ORC2: variants seen among roughly 807,000 people sequenced by gnomAD.
ORC2 encodes the protein origin recognition complex subunit 2.
A neutral mutation model predicts 77.7 loss-of-function variants in ORC2; 37 were observed. The observed-to-expected ratio is 0.48, with a 90% CI of 0.37 to 0.63. The LOEUF (loss-of-function observed/expected upper bound fraction) is 0.63. Among genes scored for constraint, ORC2 ranks in the 20% least tolerant of loss-of-function variants. ORC2 has a pLI of 0.00. For missense variants in ORC2, 557 were observed against 661.9 expected, an observed-to-expected ratio of 0.84 and a Z score of 1.74; for synonymous variants, 201 against 229.5, an observed-to-expected ratio of 0.88 and a Z score of 1.12.
chr2:200,935,960 CAA>C (rs2041039012), intron 8 of ORC2, 68 bp from the exon 9 acceptor site: 6 of 1,344,820 alleles, frequency 4.5e-6, no homozygotes, highest in Non-Finnish European at 4.1e-6. Context: ...TGGGGTAAAG[CAA>C]AGAGTGGGGG....
intron 5 of ORC2, chr2:200,943,070 G>A (rs771534223): frequency 5.1e-6 from 1 of 194,440 alleles, no homozygotes; most frequent in Admixed American, 5.9e-5. Context: ...AACCACTTAT[G>A]TTCCTTTCAT....
chr2:200,925,451 C>A (rs760116614), intron 13 of ORC2, among the ~76,000 whole-genome samples: 16 of 152,074 alleles, frequency 1.1e-4, no homozygotes, highest in Admixed American at 2.0e-4. Context: ...TTAAAATAAT[C>A]TTTTTGGGCC....
At chr2:200,918,139 C>T (rs145167652) in intron 15 of ORC2, among the ~76,000 whole-genome samples, 27 of 152,226 alleles carry the variant, frequency 1.8e-4, no homozygotes, top group African/African-American at 3.6e-4. Flanking sequence ...TTGTCCTAAA[C>T]GAAAATATCT....
chr2:200,950,398 T>C (rs1008076652), intron 4 of ORC2, among the ~76,000 whole-genome samples: 9 of 152,302 alleles, frequency 5.9e-5, no homozygotes, highest in Admixed American at 2.0e-4. Context: ...AAATATCAAC[T>C]GCTACCTACA....
At chr2:200,959,026 C>CT (rs1282589926) in intron 2 of ORC2, among the ~76,000 whole-genome samples, 32 of 151,990 alleles carry the variant, frequency 2.1e-4, no homozygotes, top group African/African-American at 5.3e-4. Flanking sequence ...TCTTTTCTTT[C>CT]TTTTTTTATT....
intron 13 of ORC2, among the ~76,000 whole-genome samples, chr2:200,922,683 C>T (rs1195712913): frequency 2.6e-5 from 4 of 152,006 alleles, no homozygotes; most frequent in Non-Finnish European, 4.4e-5. Context: ...GAAATCTAGA[C>T]GTCATCATAT....
chr2:200,948,173 A>G (rs2041286499), intron 5 of ORC2, among the ~76,000 whole-genome samples: 1 of 151,744 alleles, frequency 6.6e-6, no homozygotes, highest in South Asian at 2.1e-4. Flanking sequence ...TCGGCCTCCC[A>G]AAGTGCTGGG....
chr2:200,940,638 C>T (rs1039835743), intron 7 of ORC2, among the ~76,000 whole-genome samples: 1 of 152,080 alleles, frequency 6.6e-6, no homozygotes, highest in East Asian at 1.9e-4. Flanking sequence ...CTTGCCTCTA[C>T]TAAAAATACA....
At chr2:200,940,249 G>T (rs13408964) in intron 7 of ORC2, among the ~76,000 whole-genome samples, 32,833 of 152,096 alleles carry the variant, frequency 0.22, 4,391 homozygotes, top group African/African-American at 0.37. Context: ...TAATTATCTT[G>T]CTGGAACATG....
At chr2:200,914,961 C>T (rs1177196744) in intron 15 of ORC2, among the ~76,000 whole-genome samples, 1 of 150,104 alleles carries the variant, frequency 6.7e-6, no homozygotes, top group African/African-American at 2.4e-5. Context: ...CTGCATATAC[C>T]ACTTTATACC....
At position 200,933,949 on chromosome 2, in the gene ORC2, T is replaced by G; in HGVS notation, c.734A>C (p.Glu245Ala). 6.2e-7 allele frequency: 1 copy of G among 1,607,086 alleles called. No homozygotes were observed. The highest frequency in any genetic ancestry group is 1.1e-5 in the South Asian group (1 of 90,572). The change falls in exon 10 of 18, where the codon GAA (glutamate) becomes GCA (alanine). Residue 245 changes from glutamate (E) to alanine (A), a missense_variant. Transcript: ENST00000234296. ...TAAAACTTTTGAACTGCTGTGAGCT[T>G]CAAAATATTCTTCTACTAAGTCACT... ...KTSDLVEEYFEAHSSSKVLTS... is the reference protein window; with the variant it reads ...KTSDLVEEYFAAHSSSKVLTS...
chr2:200,919,515 C>A (rs943385419), intron 15 of ORC2, among the ~76,000 whole-genome samples: 6 of 152,178 alleles, frequency 3.9e-5, no homozygotes, highest in Non-Finnish European at 5.9e-5. Context: ...CGTGCCACCA[C>A]ACCTGGCTAA....
rs750352667 is a variant in ORC2, at chr2:200,959,380, G to C, written c.-11+12C>G. The C allele has an allele frequency of 2.6e-5, 4 of 152,118 alleles. No individual in the cohort carries two copies. The highest frequency in any genetic ancestry group is 7.2e-5 in the African/African-American group (3 of 41,408). The allele number at this position is 152,118 out of a possible 1,614,324, so 9.4% of individuals were successfully genotyped here. The stretch of plus-strand genomic sequence containing the variant: ...CAACATGCTTAAATGACTTCTTTCA[G>C]TTTTCATTTACCTTTTAAGGTACTA... On this transcript the variant is annotated intron_variant, in intron 2 of 17. Coordinates refer to ENST00000234296, the MANE Select transcript of ORC2 (RefSeq NM_006190.5).
chr2:200,953,558 G>A (rs1044927660), intron 4 of ORC2, among the ~76,000 whole-genome samples: 2 of 152,030 alleles, frequency 1.3e-5, no homozygotes, highest in South Asian at 2.1e-4. Flanking sequence ...AATAGAATTA[G>A]CACATGATCC....
chr2:200,942,483 C>T (rs1205467686), intron 6 of ORC2, among the ~76,000 whole-genome samples: 2 of 152,182 alleles, frequency 1.3e-5, no homozygotes, highest in Non-Finnish European at 2.9e-5. Flanking sequence ...CTTCAGTTAG[C>T]ACAGATATTT....
chr2:200,927,372 C>T (rs2040858110), intron 11 of ORC2, among the ~76,000 whole-genome samples: 1 of 151,746 alleles, frequency 6.6e-6, no homozygotes, highest in Non-Finnish European at 1.5e-5. Context: ...GTGTGAGCCA[C>T]CATGTCTAGC....
At chr2:200,920,415 CAAG>C in intron 14 of ORC2, 22 bp from the exon 15 acceptor site, 1 of 1,461,232 alleles carries the variant, frequency 6.8e-7, no homozygotes, top group Non-Finnish European at 9.1e-7. Flanking sequence ...TCAAAGAAAA[CAAG>C]AATTACAAAT....
At chr2:200,956,572 C>T (rs2041468585) in intron 4 of ORC2, among the ~76,000 whole-genome samples, 1 of 152,056 alleles carries the variant, frequency 6.6e-6, no homozygotes, top group Non-Finnish European at 1.5e-5. Context: ...TCAAGCAGTC[C>T]TCCTGCCTCA....
At chr2:200,931,238 T>C (rs2040932980) in intron 11 of ORC2, 101 bp downstream of exon 11, 3 of 500,162 alleles carry the variant, frequency 6.0e-6, no homozygotes, top group Non-Finnish European at 1.1e-5. Flanking sequence ...ACTAAATATC[T>C]GAAACTCACT....
Sources: allele counts gnomAD v4.1 joint callset (sites outside exome capture counted in the v4.1 genomes callset), GRCh38; gene constraint gnomAD v4.1.1; transcripts MANE v1.5; gene names NCBI Gene and HGNC (gene_info 2026-07-23, HGNC 2026-07-21).